The following NBAS variants were observed in gnomAD, a reference collection of about 807,000 sequenced individuals.
NBAS encodes the protein NBAS subunit of NRZ tethering complex, also known as NAG/BC035112 fusion.
A neutral mutation model predicts 302.5 loss-of-function variants in NBAS; 219 were observed. That is an observed-to-expected ratio of 0.72 (90% CI 0.65 to 0.81). The LOEUF (loss-of-function observed/expected upper bound fraction) is 0.81, where lower values mean the gene tolerates loss of function less well. Ranked by LOEUF, NBAS falls within the 30% of genes least tolerant of loss-of-function variation. The pLI, the probability that NBAS is intolerant of heterozygous loss-of-function variation, is 0.00. For missense variants in NBAS, 2,932 were observed against 2,841.6 expected (o/e 1.03, Z -0.72); for synonymous variants, 1,118 against 1,021.6 (o/e 1.09, Z -1.80).
intron 32 of NBAS, among the ~76,000 whole-genome samples, chr2:15,362,620 G>A (rs1382189436): frequency 6.6e-6 from 1 of 152,164 alleles, no homozygotes; most frequent in Non-Finnish European, 1.5e-5. Context: ...AACGGAATAT[G>A]TAATGTTTCT....
Position 15,218,977 on chromosome 2 carries a change from C to T in NBAS, c.6237-9G>A, listed in dbSNP as rs377688845. ...GTGAAACCAGCTCCTCACTGCAGGG[C>T]AAAATCCAGAGGTATCTGTAAACTC... is the stretch of plus-strand genomic sequence containing the variant. On this transcript the variant is annotated splice_polypyrimidine_tract_variant and intron_variant, in intron 47 of 51. Transcript: ENST00000281513. The T allele has an allele frequency of 2.2e-5, 35 of 1,614,052 alleles. No individual in the cohort carries two copies. Among genetic ancestry groups the T allele is most frequent in the Non-Finnish European group, 3.0e-5 (35 of 1,180,008 alleles).
the NBAS span, among the ~76,000 whole-genome samples, chr2:14,857,807 C>T: frequency 6.6e-6 from 1 of 152,044 alleles, no homozygotes; most frequent in Non-Finnish European, 1.5e-5. Flanking sequence ...GCAACCAAAA[C>T]AAAAACGGAC....
the NBAS span, among the ~76,000 whole-genome samples, chr2:15,103,614 A>G: frequency 6.6e-6 from 1 of 152,308 alleles, no homozygotes; most frequent in East Asian, 1.9e-4. Flanking sequence ...GATGCTTGGC[A>G]CAGGGAAGCT....
At chr2:15,261,352 C>T (rs4668891) in intron 44 of NBAS, among the ~76,000 whole-genome samples, 89,658 of 152,136 alleles carry the variant, frequency 0.59, 29,278 homozygotes, top group African/African-American at 0.87. Flanking sequence ...TTAAATATTA[C>T]GCAAATGAAA....
chr2:14,910,771 T>A, the NBAS span, among the ~76,000 whole-genome samples: 1 of 152,234 alleles, frequency 6.6e-6, no homozygotes, highest in Non-Finnish European at 1.5e-5. Flanking sequence ...TTTTTAAATT[T>A]ATGGCTCTAC....
the NBAS span, among the ~76,000 whole-genome samples, chr2:14,969,632 C>T: frequency 6.6e-6 from 1 of 152,154 alleles, no homozygotes; most frequent in Non-Finnish European, 1.5e-5. Flanking sequence ...CTGCCTCGGC[C>T]TCCCAAAGTG....
the NBAS span, among the ~76,000 whole-genome samples, chr2:15,144,717 T>G: frequency 6.6e-6 from 1 of 152,200 alleles, no homozygotes; most frequent in African/African-American, 2.4e-5. Context: ...GTGCATGGGC[T>G]TCGCAGTCAG....
intron 35 of NBAS, among the ~76,000 whole-genome samples, chr2:15,343,975 A>C (rs1672972721): frequency 6.6e-6 from 1 of 151,522 alleles, no homozygotes; most frequent in Non-Finnish European, 1.5e-5. Flanking sequence ...TGAAAAAAAA[A>C]AAAAACACTT....
In NBAS at chr2:15,374,638, C is replaced by T; in HGVS notation, c.3673G>A (p.Glu1225Lys). ...DLIQAVGCLE[E>K]FGVKILPLQV... ...AAAGGCAGGATCTTTACCCCAAATT[C>T]TTCAAGACATCCAACGGCTTGGATA... is the stretch of plus-strand genomic sequence containing the variant. Residue 1225 changes from glutamate to lysine, a missense_variant, in exon 31 of 52, where the codon GAA becomes AAA. Physicochemically the swap from Glu to Lys is moderately conservative, Grantham distance 56. Transcript: ENST00000281513. 6.2e-7 allele frequency: 1 copy of T among 1,613,966 alleles called. No homozygotes were observed. The highest frequency in any genetic ancestry group is 8.5e-7 in the Non-Finnish European group (1 of 1,179,852).
chr2:15,177,642 A>G (rs1664611384), intron 51 of NBAS, among the ~76,000 whole-genome samples: 1 of 152,194 alleles, frequency 6.6e-6, no homozygotes, highest in South Asian at 2.1e-4. Flanking sequence ...GAGGAAAAAA[A>G]ATGCACTGAG....
chr2:15,174,572 C>T (rs1477817783), intron 51 of NBAS, among the ~76,000 whole-genome samples: 17 of 152,146 alleles, frequency 1.1e-4, no homozygotes, highest in East Asian at 1.9e-4. Context: ...CACAGCTAGG[C>T]GAGTTGTTGG....
chr2:15,329,948 T>C (rs1672247278), intron 36 of NBAS, among the ~76,000 whole-genome samples: 1 of 152,200 alleles, frequency 6.6e-6, no homozygotes, highest in African/African-American at 2.4e-5. Context: ...CTCACTGACA[T>C]GTTAAGTTCC....
At chr2:15,198,490 G>A (rs971876502) in intron 48 of NBAS, among the ~76,000 whole-genome samples, 3 of 152,170 alleles carry the variant, frequency 2.0e-5, no homozygotes, top group Admixed American at 6.5e-5. Context: ...GGGTAGAGAT[G>A]AGGGGAGTCA....
chr2:15,409,951 A>G (rs1345128709), intron 25 of NBAS, among the ~76,000 whole-genome samples: 1 of 152,184 alleles, frequency 6.6e-6, no homozygotes, highest in Non-Finnish European at 1.5e-5. Flanking sequence ...GTTTTATCAC[A>G]GGTCACAGAG....
intron 21 of NBAS, among the ~76,000 whole-genome samples, chr2:15,448,230 C>A (rs1678843759): frequency 6.6e-6 from 1 of 152,026 alleles, no homozygotes; most frequent in Non-Finnish European, 1.5e-5. Flanking sequence ...TTTAGCGTAC[C>A]TAAAATTAAA....
intron 13 of NBAS, 58 bp downstream of exon 13, chr2:15,478,168 T>A (rs983946253): frequency 8.6e-7 from 1 of 1,158,450 alleles, no homozygotes. Context: ...CCAAAGAGAA[T>A]CTTGTATAAT....
At chr2:14,855,011 C>A in the NBAS span, among the ~76,000 whole-genome samples, 1 of 152,032 alleles carries the variant, frequency 6.6e-6, no homozygotes, top group African/African-American at 2.4e-5. Flanking sequence ...CAAAAGAGAC[C>A]CCTTCCACCT....
At chr2:15,228,255 A>G (rs894231878) in intron 47 of NBAS, among the ~76,000 whole-genome samples, 1 of 152,230 alleles carries the variant, frequency 6.6e-6, no homozygotes, top group African/African-American at 2.4e-5. Context: ...ATATGAAAAA[A>G]AATGCTCGAC....
the NBAS span, among the ~76,000 whole-genome samples, chr2:15,145,425 G>GTGTC: frequency 3.9e-5 from 6 of 151,930 alleles, no homozygotes; most frequent in Non-Finnish European, 7.4e-5. Flanking sequence ...GTGTGTGTGT[G>GTGTC]TGTGTGTGTC....
Sources: gnomAD v4.1 joint callset for allele counts (sites outside exome capture counted in the v4.1 genomes callset) on GRCh38, gnomAD v4.1.1 for gene constraint, MANE v1.5 for transcripts, NCBI Gene and HGNC (gene_info 2026-07-23, HGNC 2026-07-21) for gene names.